Variants in SLIT2 observed in about 807,000 individuals in gnomAD.
The protein encoded by SLIT2 is slit guidance ligand 2, also known as slit homolog 2 protein.
Under a neutral mutation model 185.7 loss-of-function variants are expected in SLIT2, and 41 were observed. The ratio of observed to expected loss-of-function variants is 0.22; its 90% CI spans 0.17 to 0.29. The LOEUF (loss-of-function observed/expected upper bound fraction) is 0.29, where lower values mean the gene tolerates loss of function less well. SLIT2 is among the 10% of genes least tolerant of loss of function. SLIT2 has a pLI of 1.00. For synonymous variants in SLIT2, 693 were observed against 680.2 expected, an observed-to-expected ratio of 1.02 and a Z score of -0.29; for missense variants, 1,571 against 1,909.0, an observed-to-expected ratio of 0.82 and a Z score of 3.30.
Position 20,472,414 on chromosome 4 carries a change from A to C in SLIT2, c.467+4591A>C, listed in dbSNP as rs1280880031. Among the ~76,000 whole-genome samples the C allele has an allele frequency of 1.2e-3, 106 of 87,236 alleles. 1 individual carries two copies. Among genetic ancestry groups the C allele is most frequent in the African/African-American group, 3.6e-3 (74 of 20,618 alleles). The allele number at this position is 87,236 out of a possible 152,430, so 57.2% of individuals were successfully genotyped here. A position where few individuals can be genotyped will look rare whatever the true frequency, so the allele number is the denominator to read the frequency against. ...GATATATAGATATAGATATCTATAT[A>C]TCTATATATATAGATATCTATAGAT... On this transcript the variant is annotated intron_variant, in intron 5 of 36. Coordinates refer to ENST00000504154, the MANE Select transcript of SLIT2 (RefSeq NM_004787.4).
intron 4 of SLIT2, among the ~76,000 whole-genome samples, chr4:20,413,247 T>G (rs186428679): frequency 6.6e-6 from 1 of 152,214 alleles, no homozygotes; most frequent in Admixed American, 6.5e-5. Flanking sequence ...TATTTAAGTA[T>G]GTTGTTGAAT....
intron 4 of SLIT2, among the ~76,000 whole-genome samples, chr4:20,349,630 A>G (rs913530969): frequency 1.3e-5 from 2 of 152,204 alleles, no homozygotes; most frequent in African/African-American, 4.8e-5. Flanking sequence ...GAAAATGTTA[A>G]AGTATCACGA....
intron 4 of SLIT2, among the ~76,000 whole-genome samples, chr4:20,450,796 G>A (rs189677568): frequency 9.2e-5 from 14 of 152,282 alleles, no homozygotes; most frequent in Admixed American, 8.5e-4. Context: ...CACTTGGTTT[G>A]GAGTTATATC....
intron 21 of SLIT2, among the ~76,000 whole-genome samples, chr4:20,543,632 A>G (rs1296420504): frequency 1.3e-5 from 2 of 152,236 alleles, no homozygotes; most frequent in African/African-American, 4.8e-5. Context: ...TGTGCAACAT[A>G]GGTAATGAGG....
chr4:20,294,348 CAAAA>C (rs34046519), intron 4 of SLIT2, among the ~76,000 whole-genome samples: 1 of 123,524 alleles, frequency 8.1e-6, no homozygotes, highest in Non-Finnish European at 1.7e-5. Flanking sequence ...GACTCTGTCT[CAAAA>C]AAAAAAAAAA....
intron 33 of SLIT2, among the ~76,000 whole-genome samples, chr4:20,608,454 T>A (rs907376081): frequency 6.6e-6 from 1 of 152,136 alleles, no homozygotes; most frequent in Non-Finnish European, 1.5e-5. Context: ...TGGTCTATTT[T>A]TTCCTCTGCC....
chr4:20,345,429 C>A (rs1247679086), intron 4 of SLIT2, among the ~76,000 whole-genome samples: 1 of 152,098 alleles, frequency 6.6e-6, no homozygotes, highest in Non-Finnish European at 1.5e-5. Flanking sequence ...CCTGCAGAAA[C>A]CCTGCTATTC....
chr4:20,368,219 C>CAAAAAAAAAAAAAAGAAAAAAAAAAAAG (rs1723273594), intron 4 of SLIT2, among the ~76,000 whole-genome samples: 1 of 107,430 alleles, frequency 9.3e-6, no homozygotes, highest in African/African-American at 3.8e-5. Flanking sequence ...CACAAAATAG[C>CAAAAAAAAAAAAAAGAAAAAAAAAAAAG]AAAAAAAAAA....
At chr4:20,530,904 A>G (rs558901576) in intron 16 of SLIT2, among the ~76,000 whole-genome samples, 1 of 151,914 alleles carries the variant, frequency 6.6e-6, no homozygotes, top group South Asian at 2.1e-4. Flanking sequence ...ATCATTAGTT[A>G]TTAGGGACAT....
At position 20,484,518 on chromosome 4, in the gene SLIT2, T is replaced by C. The variant is rs558816176; in HGVS notation, c.540-1682T>C. Among the ~76,000 whole-genome samples, 223 of 152,206 alleles carry C rather than the reference T, an allele frequency of 1.5e-3. 1 individual carries two copies. Among genetic ancestry groups the C allele is most frequent in the Non-Finnish European group, 2.4e-3 (166 of 67,982 alleles). On this transcript the variant is annotated intron_variant, in intron 6 of 36. Coordinates refer to ENST00000504154, the MANE Select transcript of SLIT2 (RefSeq NM_004787.4). The surrounding 1 kb of genome is among the most constrained non-coding windows in gnomAD (Gnocchi z 4.3). ...TAATTCAATACATTGCAAAACAAGGTGGTAAAGAGGGTCCATGCATGATCT... is the reference window on the plus strand; with the variant it reads ...TAATTCAATACATTGCAAAACAAGGCGGTAAAGAGGGTCCATGCATGATCT...
Position 20,254,920 on chromosome 4 carries a change from T to G in SLIT2, c.179+926T>G. On this transcript the variant is annotated intron_variant, in intron 1 of 36. Coordinates refer to ENST00000504154, the MANE Select transcript of SLIT2 (RefSeq NM_004787.4). This position sits in a 1 kb window ranked among gnomAD's most constrained non-coding sequence, Gnocchi z 5.1. ...TCGCAGACGTCCCCGCCTCCCTGTC[T>G]TTGCGAGTCTCTAATGAAGAAGTAA... 1 of 456,284 alleles carries G rather than the reference T, an allele frequency of 2.2e-6. No homozygotes were observed. Among genetic ancestry groups the G allele is most frequent in the South Asian group, 1.5e-5 (1 of 64,576 alleles). The allele number at this position is 456,284 out of a possible 1,614,324, so 28.3% of individuals were successfully genotyped here. A position where few individuals can be genotyped will look rare whatever the true frequency, so the allele number is the denominator to read the frequency against.
At chr4:20,546,162 G>A (rs1723233434) in intron 22 of SLIT2, 63 bp downstream of exon 22, 3 of 874,342 alleles carry the variant, frequency 3.4e-6, no homozygotes, top group Non-Finnish European at 5.5e-6. Flanking sequence ...GATGGCAAGG[G>A]ACAGAAGATT....
intron 4 of SLIT2, among the ~76,000 whole-genome samples, chr4:20,347,346 T>C (rs1401453054): frequency 6.6e-6 from 1 of 152,244 alleles, no homozygotes; most frequent in African/African-American, 2.4e-5. Context: ...CTTTGCCAAA[T>C]ATTTAAGTAC....
At chr4:20,592,355 A>C (rs1011447449) in intron 30 of SLIT2, among the ~76,000 whole-genome samples, 1 of 152,182 alleles carries the variant, frequency 6.6e-6, no homozygotes, top group African/African-American at 2.4e-5. Context: ...GGGCTTCTAA[A>C]CAGTGTATTT....
In SLIT2 at chr4:20,549,040, CAT is replaced by C. The variant is rs545305281; in HGVS notation, c.2418-14_2418-13del. The C allele has an allele frequency of 1.5e-3, 2,294 of 1,497,270 alleles. 16 individuals carry two copies. Among genetic ancestry groups the C allele is most frequent in the South Asian group, 1.5e-3 (133 of 88,158 alleles). 92.7% of individuals were successfully genotyped at this position (1,497,270 alleles called of 1,614,324 possible). ...TGGATTTCTGAATAAAACAAATTGA[CAT>C]ATGTATGCTTTCAGAATTCTTAGTT... On this transcript the variant is annotated splice_polypyrimidine_tract_variant and intron_variant, in intron 23 of 36. Transcript: ENST00000504154.
At chr4:20,567,209 T>G in intron 26 of SLIT2, 53 bp from the exon 27 acceptor site, 1 of 1,522,536 alleles carries the variant, frequency 6.6e-7, no homozygotes, top group Non-Finnish European at 9.0e-7. Context: ...TACAAGTAAT[T>G]AAAAGTAAAC....
intron 4 of SLIT2, among the ~76,000 whole-genome samples, chr4:20,332,296 C>T (rs1425904836): frequency 6.6e-6 from 1 of 152,088 alleles, no homozygotes. Context: ...AGCAGATACC[C>T]GTGTTTTATT....
At chr4:20,581,262 A>T (rs146922180) in intron 29 of SLIT2, among the ~76,000 whole-genome samples, 1 of 152,132 alleles carries the variant, frequency 6.6e-6, no homozygotes, top group Non-Finnish European at 1.5e-5. Flanking sequence ...CTTGGTATCC[A>T]GGTTTCCCTT....
At chr4:20,310,004 G>T (rs898553755) in intron 4 of SLIT2, among the ~76,000 whole-genome samples, 1 of 151,806 alleles carries the variant, frequency 6.6e-6, no homozygotes, top group African/African-American at 2.4e-5. Context: ...CTCGTGATCT[G>T]CCCGCCTCGG....
Sources: allele counts gnomAD v4.1 joint callset (sites outside exome capture counted in the v4.1 genomes callset), GRCh38; gene constraint gnomAD v4.1.1; non-coding constraint Gnocchi (gnomAD v3.1); transcripts MANE v1.5; gene names NCBI Gene and HGNC (gene_info 2026-07-23, HGNC 2026-07-21).